EXOC4: variants seen among roughly 807,000 people sequenced by gnomAD.
EXOC4 encodes exocyst complex component 4, also known as SEC8-like 1.
EXOC4 carries 71 observed loss-of-function variants against 107.2 expected under a neutral mutation model. The observed-to-expected ratio is 0.66, with a 90% CI of 0.55 to 0.81. EXOC4 has a LOEUF of 0.81. Ranked by LOEUF, EXOC4 falls within the 30% of genes least tolerant of loss-of-function variation. EXOC4 has a pLI of 0.00. For synonymous variants in EXOC4, 456 were observed against 441.2 expected (o/e 1.03, Z -0.42); for missense variants, 1,108 against 1,189.6 (o/e 0.93, Z 1.01).
At chr7:133,906,286 A>C (rs944698827) in intron 12 of EXOC4, among the ~76,000 whole-genome samples, 2 of 152,126 alleles carry the variant, frequency 1.3e-5, no homozygotes, top group Non-Finnish European at 2.9e-5. Flanking sequence ...GCTTTTGCCA[A>C]CCTAACTTAA....
chr7:133,397,291 A>ATTTT (rs59222298), intron 7 of EXOC4, among the ~76,000 whole-genome samples: 1 of 142,794 alleles, frequency 7.0e-6, no homozygotes. Context: ...ACCCAGCCAA[A>ATTTT]TTTTTTTTTT....
At chr7:133,383,787 G>A (rs568104597) in intron 7 of EXOC4, among the ~76,000 whole-genome samples, 3 of 152,146 alleles carry the variant, frequency 2.0e-5, no homozygotes, top group South Asian at 2.1e-4. Flanking sequence ...GAGTATTCTC[G>A]CAGAAATAGT....
intron 10 of EXOC4, among the ~76,000 whole-genome samples, chr7:133,737,991 A>G (rs1795484596): frequency 1.5e-5 from 2 of 131,640 alleles, no homozygotes; most frequent in East Asian, 2.2e-4. Context: ...ATTTCACTGC[A>G]GCCTCTGCCT....
intron 11 of EXOC4, among the ~76,000 whole-genome samples, chr7:133,856,018 G>T (rs541541269): frequency 7.9e-5 from 12 of 152,268 alleles, no homozygotes; most frequent in South Asian, 4.2e-4. Flanking sequence ...TGCCAGGAAG[G>T]TTAAAAGATC....
intron 10 of EXOC4, among the ~76,000 whole-genome samples, chr7:133,708,315 C>T (rs985492369): frequency 2.6e-5 from 4 of 152,116 alleles, no homozygotes; most frequent in East Asian, 1.9e-4. Context: ...TGGGAAAGAA[C>T]AAACATTTTA....
At chr7:133,302,155 A>G (rs1488434964) in intron 3 of EXOC4, among the ~76,000 whole-genome samples, 1 of 152,186 alleles carries the variant, frequency 6.6e-6, no homozygotes, top group African/African-American at 2.4e-5. Context: ...TTATAGAAAC[A>G]TTTTTTAGAA....
chr7:134,021,842 C>T (rs1422546397), intron 17 of EXOC4, among the ~76,000 whole-genome samples: 3 of 151,874 alleles, frequency 2.0e-5, no homozygotes, highest in Non-Finnish European at 4.4e-5. Context: ...TTTCAGCAGG[C>T]ATTAACACTG....
chr7:133,402,881 A>ATTTT (rs956173651), intron 7 of EXOC4, among the ~76,000 whole-genome samples: 9 of 114,924 alleles, frequency 7.8e-5, no homozygotes, highest in South Asian at 2.8e-4. Flanking sequence ...AGAGCCTAAT[A>ATTTT]TTTTTTTTTT....
chr7:134,020,849 G>A (rs1436539723), intron 17 of EXOC4, among the ~76,000 whole-genome samples: 2 of 152,074 alleles, frequency 1.3e-5, no homozygotes, highest in South Asian at 2.1e-4. Context: ...AGCCAGGCAC[G>A]GTGGCAGGTG....
In EXOC4 at chr7:133,339,866, C is replaced by G. The variant is rs551671844; in HGVS notation, c.764-16464C>G. On this transcript the variant is annotated intron_variant, in intron 5 of 17. Transcript: ENST00000253861. ...GATTTGTGTACATTGATTTTGTACT[C>G]TGAAACTTCACTGAATTTATCAGAT... is the stretch of plus-strand genomic sequence containing the variant. 1.8e-4 allele frequency among the ~76,000 whole-genome samples: 27 copies of G among 152,262 alleles called. No homozygotes were observed. The South Asian group carries it at 4.1e-3, about 23-fold the overall frequency.
intron 9 of EXOC4, among the ~76,000 whole-genome samples, chr7:133,486,526 T>G (rs1175477802): frequency 6.6e-6 from 1 of 152,210 alleles, no homozygotes; most frequent in African/African-American, 2.4e-5. Flanking sequence ...CTTTCAAAAC[T>G]TTATACCCTG....
At chr7:133,478,653 A>T (rs375750983) in intron 8 of EXOC4, among the ~76,000 whole-genome samples, 2 of 152,186 alleles carry the variant, frequency 1.3e-5, no homozygotes, top group South Asian at 4.1e-4. Context: ...TTTTTATCAC[A>T]TCTGTGGAGG....
intron 7 of EXOC4, among the ~76,000 whole-genome samples, chr7:133,469,841 ACTT>A (rs1228925243): frequency 6.6e-6 from 1 of 152,138 alleles, no homozygotes; most frequent in East Asian, 1.9e-4. Flanking sequence ...CTGCGGATTG[ACTT>A]CTTTGATTTT....
intron 9 of EXOC4, among the ~76,000 whole-genome samples, chr7:133,581,965 C>T (rs1374603199): frequency 2.6e-5 from 4 of 152,058 alleles, no homozygotes; most frequent in African/African-American, 9.7e-5. Flanking sequence ...AACAAACCAT[C>T]AGGTCTCGTG....
At chr7:133,826,767 G>C (rs1361359090) in intron 11 of EXOC4, among the ~76,000 whole-genome samples, 2 of 152,052 alleles carry the variant, frequency 1.3e-5, no homozygotes, top group African/African-American at 4.8e-5. Context: ...TATATGATTA[G>C]ACAACCAGTA....
At chr7:133,740,105 G>A (rs970449348) in intron 10 of EXOC4, among the ~76,000 whole-genome samples, 3 of 151,902 alleles carry the variant, frequency 2.0e-5, no homozygotes, top group South Asian at 2.1e-4. Context: ...AGTTTGATTC[G>A]ATGAGTTAAC....
At chr7:134,045,677 A>G (rs938289608) in intron 17 of EXOC4, among the ~76,000 whole-genome samples, 1 of 152,194 alleles carries the variant, frequency 6.6e-6, no homozygotes, top group African/African-American at 2.4e-5. Flanking sequence ...ATTGGTTCTT[A>G]GTATAGTCAC....
chr7:133,453,062 A>G (rs566814963), intron 7 of EXOC4, among the ~76,000 whole-genome samples: 1 of 152,338 alleles, frequency 6.6e-6, no homozygotes, highest in Admixed American at 6.5e-5. Context: ...AATAAACCAT[A>G]AATATGAACG....
chr7:133,509,363 G>A (rs938921364), intron 9 of EXOC4, among the ~76,000 whole-genome samples: 1 of 151,414 alleles, frequency 6.6e-6, no homozygotes, highest in Non-Finnish European at 1.5e-5. Context: ...ATGAGGTGGA[G>A]CTTGCAGTGA....
Sources: allele counts gnomAD v4.1 joint callset (sites outside exome capture counted in the v4.1 genomes callset), GRCh38; gene constraint gnomAD v4.1.1; transcripts MANE v1.5; gene names NCBI Gene and HGNC (gene_info 2026-07-23, HGNC 2026-07-21).